The following COL22A1 variants were observed in gnomAD, a reference collection of about 807,000 sequenced individuals.
COL22A1 encodes the protein collagen alpha-1(XXII) chain.
In COL22A1, 221 loss-of-function variants were observed where a neutral mutation model predicts 248.9. That is an observed-to-expected ratio of 0.89 (90% CI 0.80 to 0.99). COL22A1 has a LOEUF of 0.99. Among genes scored for constraint, COL22A1 ranks in the 50% least tolerant of loss-of-function variants. The pLI, the probability that COL22A1 is intolerant of heterozygous loss-of-function variation, is 0.00. For synonymous variants in COL22A1, 891 were observed against 793.4 expected (o/e 1.12, Z -2.07); for missense variants, 2,240 against 2,179.0 (o/e 1.03, Z -0.56).
chr8:138,755,307 T>A (rs2131361948), intron 20 of COL22A1, 97 bp from the exon 21 acceptor site: 2 of 1,401,576 alleles, frequency 1.4e-6, no homozygotes, highest in Non-Finnish European at 2.0e-6. Context: ...CAAAGTTTAC[T>A]TTCCAAGTTC....
At chr8:138,812,775 G>T (rs2131704220) in intron 8 of COL22A1, among the ~76,000 whole-genome samples, 164 bp downstream of exon 8, 1 of 152,180 alleles carries the variant, frequency 6.6e-6, no homozygotes, top group East Asian at 1.9e-4. Flanking sequence ...AACCTGCATG[G>T]CTTGGCTCCC....
chr8:138,894,357 C>T (rs1030516326), intron 1 of COL22A1, among the ~76,000 whole-genome samples: 1 of 152,162 alleles, frequency 6.6e-6, no homozygotes, highest in African/African-American at 2.4e-5. Flanking sequence ...CAACAACCTT[C>T]CATAACACAG....
intron 25 of COL22A1, among the ~76,000 whole-genome samples, chr8:138,723,586 T>C (rs1438014643): frequency 6.6e-6 from 1 of 152,212 alleles, no homozygotes. Context: ...GGATTGCTCA[T>C]GTGTTTGAGC....
chr8:138,749,761 G>A (rs1832431670), intron 22 of COL22A1, among the ~76,000 whole-genome samples: 1 of 152,194 alleles, frequency 6.6e-6, no homozygotes, highest in Admixed American at 6.5e-5. Context: ...TTGTTCTGAA[G>A]CCCAGGATCC....
chr8:138,824,045 A>G (rs774908582), intron 6 of COL22A1, among the ~76,000 whole-genome samples: 6 of 152,194 alleles, frequency 3.9e-5, no homozygotes, highest in Non-Finnish European at 8.8e-5. Context: ...GAAGACTGGG[A>G]TTTATTTTAA....
At position 138,715,674 on chromosome 8, in the gene COL22A1, T is replaced by TCTC. The variant is rs760452996; in HGVS notation, c.2517+5_2517+7dup. On this transcript the variant is annotated splice_region_variant and intron_variant, in intron 30 of 64. Coordinates refer to ENST00000303045, the MANE Select transcript of COL22A1 (RefSeq NM_152888.3). ...TTGATGGTCAGAATGAGAGCAAGTT[T>TCTC]CTCCTACCTTTTCACCTCGGTCACC... The TCTC allele has an allele frequency of 6.2e-7, 1 of 1,608,220 alleles. No individual in the cohort carries two copies. Among genetic ancestry groups the TCTC allele is most frequent in the East Asian group, 2.2e-5 (1 of 44,830 alleles).
intron 22 of COL22A1, among the ~76,000 whole-genome samples, chr8:138,744,831 A>C (rs1490222594): frequency 1.3e-5 from 2 of 152,256 alleles, no homozygotes; most frequent in Non-Finnish European, 2.9e-5. Context: ...TTTAAAATGC[A>C]TTCTTAAAGT....
At chr8:138,897,971 C>G (rs1814250436) in intron 1 of COL22A1, among the ~76,000 whole-genome samples, 1 of 152,082 alleles carries the variant, frequency 6.6e-6, no homozygotes, top group African/African-American at 2.4e-5. Context: ...TGCTTGCTTT[C>G]TGATTCATAG....
chr8:138,651,213 A>G (rs2130566705), intron 45 of COL22A1, among the ~76,000 whole-genome samples: 1 of 152,312 alleles, frequency 6.6e-6, no homozygotes, highest in East Asian at 1.9e-4. Context: ...TCCTGCTCCC[A>G]GAAATCTCAG....
intron 9 of COL22A1, among the ~76,000 whole-genome samples, chr8:138,810,514 C>T (rs927852606): frequency 2.0e-5 from 3 of 152,212 alleles, no homozygotes; most frequent in Non-Finnish European, 2.9e-5. Flanking sequence ...CTCCTGCCTC[C>T]GCCCCATCTC....
chr8:138,891,065 A>T (rs923652739), intron 1 of COL22A1, among the ~76,000 whole-genome samples: 8 of 152,202 alleles, frequency 5.3e-5, no homozygotes, highest in Admixed American at 1.3e-4. Flanking sequence ...GCAATGAACA[A>T]TGCAAAAAGA....
intron 2 of COL22A1, among the ~76,000 whole-genome samples, chr8:138,881,912 C>G (rs868840687): frequency 5.3e-5 from 8 of 152,264 alleles, no homozygotes; most frequent in Middle Eastern, 3.4e-3. Context: ...GGCAGGGGCC[C>G]TCATACAGGT....
intron 49 of COL22A1, among the ~76,000 whole-genome samples, chr8:138,633,563 C>CAATGTCATTTAGGAAGCT (rs1159179525): frequency 2.6e-5 from 4 of 152,160 alleles, no homozygotes; most frequent in Non-Finnish European, 5.9e-5. Context: ...TTAAGGAGCA[C>CAATGTCATTTAGGAAGCT]AATGTCATTT....
chr8:138,844,688 C>T (rs1045135349), intron 3 of COL22A1, among the ~76,000 whole-genome samples: 20 of 152,172 alleles, frequency 1.3e-4, no homozygotes, highest in Non-Finnish European at 1.5e-4. Flanking sequence ...CGGTGGCTCA[C>T]GCCTGTAATC....
chr8:138,754,265 T>TCCA (rs10658224), intron 21 of COL22A1, among the ~76,000 whole-genome samples: 31,192 of 152,008 alleles, frequency 0.21, 3,402 homozygotes, highest in East Asian at 0.33. Flanking sequence ...TCTCAACAGT[T>TCCA]ACAATTGTGG....
At chr8:138,835,176 T>G (rs935176151) in intron 4 of COL22A1, among the ~76,000 whole-genome samples, 4 of 152,208 alleles carry the variant, frequency 2.6e-5, no homozygotes, top group Non-Finnish European at 5.9e-5. Flanking sequence ...TCCCTGCCCT[T>G]TGCCATCCTG....
intron 10 of COL22A1, among the ~76,000 whole-genome samples, chr8:138,804,892 CTG>C (rs968523557): frequency 1.6e-5 from 2 of 128,686 alleles, no homozygotes; most frequent in African/African-American, 2.9e-5. Flanking sequence ...TGTGTGGTGG[CTG>C]TGTGTGGTGG....
chr8:138,694,394 G>T, intron 34 of COL22A1, 114 bp downstream of exon 34: 1 of 1,067,172 alleles, frequency 9.4e-7, no homozygotes. Flanking sequence ...GCTCTGCCCA[G>T]CGTCTACTCC....
intron 3 of COL22A1, among the ~76,000 whole-genome samples, chr8:138,855,363 C>T (rs944321776): frequency 1.3e-5 from 2 of 152,156 alleles, no homozygotes; most frequent in South Asian, 2.1e-4. Context: ...AGTCACAGGA[C>T]GGGTAGGTGA....
Sources: gnomAD v4.1 joint callset for allele counts (sites outside exome capture counted in the v4.1 genomes callset) on GRCh38, gnomAD v4.1.1 for gene constraint, MANE v1.5 for transcripts, NCBI Gene and HGNC (gene_info 2026-07-23, HGNC 2026-07-21) for gene names.